The following SCLT1 variants were observed in gnomAD, a reference collection of about 807,000 sequenced individuals.
SCLT1 encodes the protein sodium channel and clathrin linker 1.
Under a neutral mutation model 112.8 loss-of-function variants are expected in SCLT1, and 78 were observed. The ratio of observed to expected loss-of-function variants is 0.69; its 90% CI spans 0.58 to 0.83. The LOEUF (loss-of-function observed/expected upper bound fraction) is 0.83. Among genes scored for constraint, SCLT1 ranks in the 40% least tolerant of loss-of-function variants. The pLI, the probability that SCLT1 is intolerant of heterozygous loss-of-function variation, is 0.00. For synonymous variants in SCLT1, 257 were observed against 254.7 expected (o/e 1.01, Z -0.09); for missense variants, 747 against 770.4 (o/e 0.97, Z 0.36).
In SCLT1 at chr4:128,977,909, G is replaced by C. The variant is rs551608861; in HGVS notation, c.687-7441C>G. ...TGGAGAATGAATTGCGATGGAATAA[G>C]AGTGAAAGCAGGTAGACCAGAGAAA... On this transcript the variant is annotated intron_variant, in intron 9 of 20. Transcript: ENST00000281142. Among the ~76,000 whole-genome samples, 31 of 152,242 alleles carry C rather than the reference G, an allele frequency of 2.0e-4. No homozygotes were observed. The South Asian group carries it at 6.4e-3, about 32-fold the overall frequency.
rs1301204775 is a variant in SCLT1, at chr4:128,888,223, T to TG, written c.2004+455_2004+456insC. On this transcript the variant is annotated intron_variant, in intron 20 of 20. Transcript: ENST00000281142. The stretch of plus-strand genomic sequence containing the variant: ...ATATGTCTTTTCTGTTTTTTTTTTT[T>TG]TTGTTGATACAGAGTGAGGGTCTCA... Among the ~76,000 whole-genome samples, 94 of 150,348 alleles carry TG rather than the reference T, an allele frequency of 6.3e-4. No homozygotes were observed. In the East Asian group the frequency reaches 0.013, roughly 21 times the overall value.
At chr4:128,997,246 T>A (rs545856116) in intron 8 of SCLT1, 1 of 152,060 alleles carries the variant, frequency 6.6e-6, no homozygotes, top group East Asian at 1.9e-4. Context: ...ACATTTTTAT[T>A]AGGTACTAAC....
At chr4:128,969,534 T>C (rs1165205585) in intron 10 of SCLT1, among the ~76,000 whole-genome samples, 1 of 152,086 alleles carries the variant, frequency 6.6e-6, no homozygotes, top group Non-Finnish European at 1.5e-5. Context: ...ATCAAGCCAC[T>C]GCACTCCAGC....
At chr4:128,943,299 A>G (rs1247284528) in intron 16 of SCLT1, 111 bp from the exon 17 acceptor site, 2 of 721,122 alleles carry the variant, frequency 2.8e-6, no homozygotes, top group Non-Finnish European at 4.3e-6. Context: ...ATTCTGAGCC[A>G]TTTCTTTCCA....
chr4:128,930,553 C>T (rs2167241), intron 18 of SCLT1, among the ~76,000 whole-genome samples: 110,288 of 152,006 alleles, frequency 0.73, 40,301 homozygotes, highest in African/African-American at 0.81. Context: ...TCTAGAGTCA[C>T]GGAAGTGGGA....
At chr4:128,940,008 A>G (rs186147085) in intron 17 of SCLT1, among the ~76,000 whole-genome samples, 2 of 152,162 alleles carry the variant, frequency 1.3e-5, no homozygotes, top group South Asian at 4.1e-4. Flanking sequence ...ATCAATGGCT[A>G]TTCTCTTAAG....
Position 128,943,111 on chromosome 4 carries a change from C to A in SCLT1, c.1517G>T (p.Cys506Phe), listed in dbSNP as rs764001067. The change falls in exon 17 of 21, where the codon TGT (cysteine) becomes TTT (phenylalanine). Residue 506 changes from cysteine (C) to phenylalanine (F), a missense_variant. This residue lies in a region of SCLT1 where 723 missense variants were observed against 721.3 expected (regional missense o/e 1.00). Coordinates refer to ENST00000281142, the MANE Select transcript of SCLT1 (RefSeq NM_144643.4). ...TAGCCTTTGTTCACTGACAAGCCCA[C>A]AGTTCTCTCTCTCAGACTCCAATAC... is the stretch of plus-strand genomic sequence containing the variant. ...QNVLESEREN[C>F]GLVSEQRLKL... The A allele has an allele frequency of 6.8e-6, 11 of 1,612,694 alleles. No individual in the cohort carries two copies. Among genetic ancestry groups the A allele is most frequent in the Non-Finnish European group, 9.3e-6 (11 of 1,178,998 alleles).
intron 18 of SCLT1, 134 bp from the exon 19 acceptor site, chr4:128,891,271 G>C: frequency 1.6e-6 from 1 of 641,954 alleles, no homozygotes; most frequent in Non-Finnish European, 2.7e-6. Flanking sequence ...CTTACTAATA[G>C]ACCATATCTC....
At chr4:129,012,796 T>TC (rs1404845054) in intron 5 of SCLT1, among the ~76,000 whole-genome samples, 1 of 151,770 alleles carries the variant, frequency 6.6e-6, no homozygotes, top group African/African-American at 2.4e-5. Context: ...CTTTTTTTTT[T>TC]TTGCTCTTTT....
At chr4:128,970,208 A>T (rs547463990) in intron 10 of SCLT1, among the ~76,000 whole-genome samples, 170 bp downstream of exon 10, 2 of 152,170 alleles carry the variant, frequency 1.3e-5, no homozygotes, top group Non-Finnish European at 2.9e-5. Flanking sequence ...AATTCTTTAT[A>T]AAGTTGTTTT....
intron 19 of SCLT1, among the ~76,000 whole-genome samples, chr4:128,890,354 T>C (rs72683625): frequency 0.02 from 2,981 of 152,280 alleles, 55 homozygotes; most frequent in Non-Finnish European, 0.032. Flanking sequence ...CTCATTAGAA[T>C]AGATATCTGG....
At chr4:128,896,743 T>G (rs529629424) in intron 18 of SCLT1, among the ~76,000 whole-genome samples, 1 of 152,216 alleles carries the variant, frequency 6.6e-6, no homozygotes, top group African/African-American at 2.4e-5. Context: ...AGTAGGAAGT[T>G]TGAACCCATG....
intron 3 of SCLT1, among the ~76,000 whole-genome samples, chr4:128,877,781 C>CTT (rs953923660): frequency 6.6e-6 from 1 of 152,048 alleles, no homozygotes; most frequent in Admixed American, 6.5e-5. Flanking sequence ...AGCCAATAAA[C>CTT]TTGGTTAAAA....
intron 10 of SCLT1, among the ~76,000 whole-genome samples, chr4:128,965,711 G>C (rs1317363985): frequency 1.1e-4 from 16 of 151,728 alleles, no homozygotes; most frequent in Non-Finnish European, 1.5e-5. Flanking sequence ...TTTCTTCTTT[G>C]ACATAGTGAT....
At position 128,965,368 on chromosome 4, in the gene SCLT1, T is replaced by C; in HGVS notation, c.778-50A>G. The C allele has an allele frequency of 6.6e-6, 7 of 1,062,246 alleles. No homozygotes were observed. In the South Asian group the frequency reaches 9.1e-5, roughly 14 times the overall value. 65.8% of individuals were successfully genotyped at this position (1,062,246 alleles called of 1,614,324 possible). On this transcript the variant is annotated intron_variant, in intron 10 of 20. Transcript: ENST00000281142. Reference sequence around the variant, plus strand: ...TTACTTTGAGTATGTGAAAATTCAATACACCATTATACAGCATAAAGAAAA... The same window carrying C: ...TTACTTTGAGTATGTGAAAATTCAACACACCATTATACAGCATAAAGAAAA...
intron 2 of SCLT1, among the ~76,000 whole-genome samples, chr4:129,074,704 A>T (rs1751313513): frequency 6.6e-6 from 1 of 152,144 alleles, no homozygotes; most frequent in East Asian, 1.9e-4. Context: ...ATTTCTATTT[A>T]TCTTTTTAAA....
intron 5 of SCLT1, among the ~76,000 whole-genome samples, chr4:129,028,163 C>G (rs542970875): frequency 6.6e-6 from 1 of 151,966 alleles, no homozygotes; most frequent in African/African-American, 2.4e-5. Flanking sequence ...CTTCACAGAA[C>G]TGGAAAAAAC....
intron 18 of SCLT1, among the ~76,000 whole-genome samples, chr4:128,929,503 G>A (rs1344686965): frequency 2.0e-5 from 3 of 152,124 alleles, no homozygotes; most frequent in African/African-American, 7.2e-5. Flanking sequence ...GAATAGGTAA[G>A]ATACTTTTAC....
At chr4:129,030,637 C>T (rs1746626527) in intron 5 of SCLT1, among the ~76,000 whole-genome samples, 1 of 152,090 alleles carries the variant, frequency 6.6e-6, no homozygotes, top group African/African-American at 2.4e-5. Context: ...GATATCACCA[C>T]TGATCCCACA....
Sources: gnomAD v4.1 joint callset for allele counts (sites outside exome capture counted in the v4.1 genomes callset) on GRCh38, gnomAD v4.1.1 for gene constraint, gnomAD v4.1.1 regional missense constraint, MANE v1.5 for transcripts, NCBI Gene and HGNC (gene_info 2026-07-23, HGNC 2026-07-21) for gene names.